FHIP1A: variants seen among roughly 807,000 people sequenced by gnomAD.
The protein encoded by FHIP1A is FHF complex subunit HOOK-interacting protein 1A.
FHIP1A carries 61 observed loss-of-function variants against 88.6 expected under a neutral mutation model. The observed-to-expected ratio is 0.69, with a 90% CI of 0.56 to 0.85. The LOEUF is 0.85. Among genes scored for constraint, FHIP1A ranks in the 40% least tolerant of loss-of-function variants. FHIP1A has a pLI of 0.00. For missense variants in FHIP1A, 1,154 were observed against 1,273.5 expected (o/e 0.91, Z 1.43); for synonymous variants, 478 against 496.0 (o/e 0.96, Z 0.48).
At chr4:151,412,510 T>G (rs1175268014) in intron 1 of FHIP1A, among the ~76,000 whole-genome samples, 2 of 152,196 alleles carry the variant, frequency 1.3e-5, no homozygotes, top group Non-Finnish European at 2.9e-5. Flanking sequence ...ACTTTTTTCC[T>G]TGTTACATTT....
At chr4:151,653,285 T>G (rs1389790425) in intron 11 of FHIP1A, among the ~76,000 whole-genome samples, 1 of 152,050 alleles carries the variant, frequency 6.6e-6, no homozygotes, top group Non-Finnish European at 1.5e-5. Flanking sequence ...ATGAGACAGC[T>G]CTGTATGTGT....
intron 3 of FHIP1A, among the ~76,000 whole-genome samples, chr4:151,521,675 TTGTATGTATGTATGTATGTA>T (rs35842414): frequency 9.3e-5 from 14 of 150,322 alleles, no homozygotes; most frequent in East Asian, 2.0e-4. Context: ...GTATGTCAGT[TTGTATGTATGTATGTATGTA>T]TGTATGTATG....
At chr4:151,598,608 G>A (rs1340040785) in intron 7 of FHIP1A, among the ~76,000 whole-genome samples, 1 of 152,134 alleles carries the variant, frequency 6.6e-6, no homozygotes, top group Non-Finnish European at 1.5e-5. Flanking sequence ...CCTGCCATCA[G>A]CGTAGGCAGT....
At chr4:151,599,504 A>AC (rs1734779607) in intron 7 of FHIP1A, among the ~76,000 whole-genome samples, 3 of 152,256 alleles carry the variant, frequency 2.0e-5, no homozygotes, top group Middle Eastern at 3.4e-3. Context: ...CACCAATCTG[A>AC]CCCCAAGTGA....
At chr4:151,588,461 G>A (rs940472942) in intron 6 of FHIP1A, among the ~76,000 whole-genome samples, 3 of 151,982 alleles carry the variant, frequency 2.0e-5, no homozygotes, top group African/African-American at 7.3e-5. Flanking sequence ...AGAAAGTAAG[G>A]GGCAAAAATT....
At chr4:151,459,589 G>A (rs1729080521) in intron 2 of FHIP1A, among the ~76,000 whole-genome samples, 1 of 152,132 alleles carries the variant, frequency 6.6e-6, no homozygotes, top group South Asian at 2.1e-4. Context: ...TAAGAATTTG[G>A]CCAGATCTCA....
chr4:151,456,392 A>T (rs1031196491), intron 2 of FHIP1A, among the ~76,000 whole-genome samples: 15 of 152,296 alleles, frequency 9.8e-5, no homozygotes, highest in Admixed American at 8.5e-4. Context: ...TGTGGTACAG[A>T]GCTGGAGTGC....
chr4:151,560,125 T>G (rs950989955), intron 3 of FHIP1A, among the ~76,000 whole-genome samples: 3 of 152,188 alleles, frequency 2.0e-5, no homozygotes, highest in Non-Finnish European at 4.4e-5. Flanking sequence ...GATTCATGGA[T>G]GTATATGGAA....
rs1578757309 is a variant in FHIP1A, at chr4:151,563,701, T to C, written c.-122-2437T>C. Among the ~76,000 whole-genome samples the C allele has an allele frequency of 2.0e-5, 3 of 152,152 alleles. No individual in the cohort carries two copies. The East Asian group carries it at 5.8e-4, about 29-fold the overall frequency. On this transcript the variant is annotated intron_variant, in intron 3 of 13. Coordinates refer to ENST00000435205, the MANE Select transcript of FHIP1A (RefSeq NM_001109977.3). ...ATTTATATTCTATTTCTATCAAAAC[T>C]AACTTGTGCTGGGCATGGTGGCTCA...
chr4:151,410,353 G>T (rs553496323), intron 1 of FHIP1A, among the ~76,000 whole-genome samples: 1 of 152,244 alleles, frequency 6.6e-6, no homozygotes, highest in Admixed American at 6.5e-5. Context: ...AGGAGGAGGA[G>T]TAAACAATGC....
In FHIP1A at chr4:151,572,233, C is replaced by G. The variant is rs185476839; in HGVS notation, c.106-5217C>G. On this transcript the variant is annotated intron_variant, in intron 4 of 13. Coordinates refer to ENST00000435205, the MANE Select transcript of FHIP1A (RefSeq NM_001109977.3). The stretch of plus-strand genomic sequence containing the variant: ...AAAAATAAAAATTAAAATAGAAATA[C>G]AATGCTTGAGCATGTTGAAATGTCA... 3.9e-5 allele frequency among the ~76,000 whole-genome samples: 6 copies of G among 152,202 alleles called. No homozygotes were observed. The East Asian group carries it at 1.2e-3, about 29-fold the overall frequency.
intron 1 of FHIP1A, among the ~76,000 whole-genome samples, chr4:151,434,214 A>C (rs940644915): frequency 2.0e-5 from 3 of 152,068 alleles, no homozygotes; most frequent in African/African-American, 7.2e-5. Context: ...TTACTACCCT[A>C]ATTTATACTC....
chr4:151,575,255 T>C (rs1323071122), intron 4 of FHIP1A, among the ~76,000 whole-genome samples: 1 of 152,158 alleles, frequency 6.6e-6, no homozygotes, highest in East Asian at 1.9e-4. Context: ...GGCATGAATT[T>C]TGTTCTTCAG....
At position 151,467,253 on chromosome 4, in the gene FHIP1A, G is replaced by A. The variant is rs146144132; in HGVS notation, c.-248+12445G>A. Among the ~76,000 whole-genome samples, 494 of 152,324 alleles carry A rather than the reference G, an allele frequency of 3.2e-3. 3 individuals are homozygous for A. Among genetic ancestry groups the A allele is most frequent in the African/African-American group, 0.011 (473 of 41,578 alleles). On this transcript the variant is annotated intron_variant, in intron 2 of 13. Coordinates refer to ENST00000435205, the MANE Select transcript of FHIP1A (RefSeq NM_001109977.3). ...CAACATCACTGATCGTTAGAGAAAT[G>A]CAAATCAAAACCACAATGAGATACC...
chr4:151,607,121 G>T (rs771864192), intron 7 of FHIP1A, among the ~76,000 whole-genome samples: 24 of 152,198 alleles, frequency 1.6e-4, no homozygotes, highest in Non-Finnish European at 2.8e-4. Context: ...CCGAGATCCA[G>T]TTGTAACCAA....
At chr4:151,586,844 G>A in intron 6 of FHIP1A, 45 bp downstream of exon 6, 1 of 1,405,894 alleles carries the variant, frequency 7.1e-7, no homozygotes, top group Non-Finnish European at 9.6e-7. Context: ...GCTTCATTCA[G>A]AGCACAAGCA....
rs540287754 is a variant in FHIP1A, at chr4:151,619,858, A to G, written c.979-9844A>G. 3.9e-5 allele frequency among the ~76,000 whole-genome samples: 6 copies of G among 152,334 alleles called. No homozygotes were observed. The South Asian group carries it at 1.2e-3, about 32-fold the overall frequency. On this transcript the variant is annotated intron_variant, in intron 7 of 13. Coordinates refer to ENST00000435205, the MANE Select transcript of FHIP1A (RefSeq NM_001109977.3). ...GTGGATAACAGAAAACTCCCTTTAC[A>G]TTACAGAAAACTCCCTTTAATGATC...
chr4:151,645,788 A>T (rs1736771672), intron 9 of FHIP1A, among the ~76,000 whole-genome samples: 1 of 152,026 alleles, frequency 6.6e-6, no homozygotes, highest in Admixed American at 6.6e-5. Context: ...CTAGCCATGA[A>T]GCCCACTGAT....
intron 1 of FHIP1A, among the ~76,000 whole-genome samples, chr4:151,453,522 T>G (rs1433402728): frequency 6.6e-6 from 1 of 152,202 alleles, no homozygotes. Context: ...TAAATTCATG[T>G]AACACATACA....
Sources: allele counts gnomAD v4.1 joint callset (sites outside exome capture counted in the v4.1 genomes callset), GRCh38; gene constraint gnomAD v4.1.1; transcripts MANE v1.5; gene names NCBI Gene and HGNC (gene_info 2026-07-23, HGNC 2026-07-21).